The following MCMDC2 variants were observed in gnomAD, a reference collection of about 807,000 sequenced individuals.
MCMDC2 encodes the protein minichromosome maintenance domain-containing protein 2.
MCMDC2 carries 54 observed loss-of-function variants against 75.8 expected under a neutral mutation model. The ratio of observed to expected loss-of-function variants is 0.71; its 90% confidence interval spans 0.57 to 0.89. MCMDC2 has a LOEUF of 0.89. Ranked by LOEUF, MCMDC2 falls within the 40% of genes least tolerant of loss-of-function variation. The pLI, the probability that MCMDC2 is intolerant of heterozygous loss-of-function variation, is 0.00. For missense variants in MCMDC2, 656 were observed against 780.4 expected (o/e 0.84, Z 1.90); for synonymous variants, 249 against 274.6 (o/e 0.91, Z 0.92).
At chr8:66,880,702 C>T in intron 7 of MCMDC2, 147 bp from the exon 8 acceptor site, 8 of 741,698 alleles carry the variant, frequency 1.1e-5, no homozygotes, top group Non-Finnish European at 1.5e-5. Flanking sequence ...ATTAGTGTCA[C>T]TCTATATGGA....
rs557936584 is a variant in MCMDC2, at chr8:66,919,229, T to C, written c.*60T>C. ...GCAGTGGAGAAAAAGTGTGACTATT[T>C]TGAGAGTGACTTTGAAGTAATGCTT... On this transcript the variant is annotated 3_prime_UTR_variant, in exon 15 of 15. Transcript: ENST00000422365. 9.2e-5 allele frequency: 124 copies of C among 1,342,276 alleles called. No homozygotes were observed. Among genetic ancestry groups the C allele is most frequent in the Middle Eastern group, 3.7e-4 (2 of 5,448 alleles). The allele number at this position is 1,342,276 out of a possible 1,614,324, so 83.1% of individuals were successfully genotyped here.
chr8:66,892,926 G>A (rs2130827577), intron 10 of MCMDC2, among the ~76,000 whole-genome samples: 1 of 152,292 alleles, frequency 6.6e-6, no homozygotes, highest in Admixed American at 6.5e-5. Flanking sequence ...ACTTGGTCAT[G>A]GTGTATAATT....
chr8:66,880,795 T>C, intron 7 of MCMDC2, 54 bp from the exon 8 acceptor site: 7 of 1,421,000 alleles, frequency 4.9e-6, no homozygotes, highest in African/African-American at 1.5e-5. Context: ...CATATGTTCA[T>C]GTACAAAGTT....
intron 9 of MCMDC2, 94 bp from the exon 10 acceptor site, chr8:66,890,771 G>T: frequency 9.8e-7 from 1 of 1,015,808 alleles, no homozygotes. Context: ...GTGTATCACA[G>T]GTGCTCAGTA....
rs1042630247 is a variant in MCMDC2 at position 66,901,295 on chromosome 8, C to T, written c.1716C>T (p.Ile572=). 1.2e-6 allele frequency: 2 copies of T among 1,613,850 alleles called. No homozygotes were observed. Among genetic ancestry groups the T allele is most frequent in the Admixed American group, 1.7e-5 (1 of 59,996 alleles). Residue 572 remains isoleucine, a synonymous_variant, in exon 13 of 15, where the codon ATC becomes ATT. Transcript: ENST00000422365. Reference sequence around the variant, plus strand: ...GCTATTATCTAGCAAGTCGCAGAATCAGAACAGGCTCTGTATGTGGATCAA... The same window carrying T: ...GCTATTATCTAGCAAGTCGCAGAATTAGAACAGGCTCTGTATGTGGATCAA... ...THGYYLASRR[I]RTGSVCGSKL...
chr8:66,896,034 C>G (rs943742616), intron 10 of MCMDC2, 136 bp from the exon 11 acceptor site: 1 of 714,690 alleles, frequency 1.4e-6, no homozygotes, highest in Non-Finnish European at 2.2e-6. Flanking sequence ...CATTGTCTTG[C>G]AAAACAGTCA....
At chr8:66,898,461 C>T (rs1186185563) in intron 12 of MCMDC2, among the ~76,000 whole-genome samples, 1 of 151,634 alleles carries the variant, frequency 6.6e-6, no homozygotes, top group Non-Finnish European at 1.5e-5. Flanking sequence ...CCCGTCTCTA[C>T]TAAAAATACA....
At chr8:66,872,742 G>A (rs1346205177) in intron 1 of MCMDC2, among the ~76,000 whole-genome samples, 2 of 152,076 alleles carry the variant, frequency 1.3e-5, no homozygotes, top group Admixed American at 6.5e-5. Flanking sequence ...CAGATCACTT[G>A]AGGTCAGGAG....
intron 8 of MCMDC2, among the ~76,000 whole-genome samples, chr8:66,882,031 T>C (rs1472683631): frequency 6.6e-6 from 1 of 152,160 alleles, no homozygotes; most frequent in Admixed American, 6.5e-5. Context: ...CAGTTTGTCA[T>C]TATAGGGTGG....
chr8:66,915,056 A>G (rs1255928236), intron 14 of MCMDC2, among the ~76,000 whole-genome samples: 1 of 152,192 alleles, frequency 6.6e-6, no homozygotes, highest in Non-Finnish European at 1.5e-5. Context: ...TAGGCTGAGC[A>G]CAGTGGCTCA....
intron 9 of MCMDC2, among the ~76,000 whole-genome samples, chr8:66,887,384 C>CAA (rs1334744459): frequency 3.5e-5 from 3 of 84,720 alleles, no homozygotes; most frequent in Non-Finnish European, 5.8e-5. Flanking sequence ...ACTAAAAATA[C>CAA]AAAAAAAAAA....
intron 10 of MCMDC2, among the ~76,000 whole-genome samples, chr8:66,892,470 A>C (rs1812154333): frequency 6.6e-6 from 1 of 152,270 alleles, no homozygotes; most frequent in East Asian, 1.9e-4. Context: ...CAAGGTGGAG[A>C]AGAGTTTTAT....
chr8:66,873,362 G>C lies in MCMDC2; in HGVS notation c.-88-691G>C, dbSNP rs927219356. Among the ~76,000 whole-genome samples the C allele has an allele frequency of 5.3e-5, 8 of 152,280 alleles. No individual in the cohort carries two copies. The East Asian group carries it at 1.5e-3, about 29-fold the overall frequency. ...CAGGAAATGCTGGGTCTAGAACCAAGTTCTCAGGTTTCCCAGTTTAATACT... is the reference window on the plus strand; with the variant it reads ...CAGGAAATGCTGGGTCTAGAACCAACTTCTCAGGTTTCCCAGTTTAATACT... On this transcript the variant is annotated intron_variant, in intron 1 of 14. Transcript: ENST00000422365.
chr8:66,896,215 T>C lies in MCMDC2; in HGVS notation c.1325T>C (p.Phe442Ser), dbSNP rs762282773. The change falls in exon 11 of 15, where the codon TTT (phenylalanine) becomes TCT (serine). Residue 442 changes from phenylalanine (F) to serine (S), a missense_variant. By Grantham distance (155) the Phe-to-Ser change is radical (BLOSUM62 -2). Transcript: ENST00000422365. ...ACAGTGTACATCCCAGGAAAGAAGT[T>C]TGGGGAGGATATTGATCAACAGATG... is the stretch of plus-strand genomic sequence containing the variant. ...SITVYIPGKKFGEDIDQQMTF... is the reference protein window; with the variant it reads ...SITVYIPGKKSGEDIDQQMTF... The C allele has an allele frequency of 6.8e-6, 11 of 1,612,830 alleles. No homozygotes were observed. The highest frequency in any genetic ancestry group is 3.4e-5 in the Admixed American group (2 of 59,546).
At chr8:66,896,454 C>T (rs968551968) in intron 11 of MCMDC2, 118 bp downstream of exon 11, 28 of 913,558 alleles carry the variant, frequency 3.1e-5, no homozygotes, top group Non-Finnish European at 4.4e-5. Context: ...AGTACCAGAA[C>T]TACATGATGA....
chr8:66,904,413 A>T (rs1388219821), intron 13 of MCMDC2, among the ~76,000 whole-genome samples: 1 of 152,192 alleles, frequency 6.6e-6, no homozygotes, highest in Non-Finnish European at 1.5e-5. Context: ...TAGAAATTGC[A>T]GTGAAACTAA....
At chr8:66,892,116 C>T (rs933073976) in intron 10 of MCMDC2, among the ~76,000 whole-genome samples, 2 of 152,200 alleles carry the variant, frequency 1.3e-5, no homozygotes, top group Non-Finnish European at 2.9e-5. Flanking sequence ...GGCTCCTGGG[C>T]TGGCCCAGCC....
Position 66,919,608 on chromosome 8 carries a change from C to T in MCMDC2, c.*439C>T, listed in dbSNP as rs573955648. The stretch of plus-strand genomic sequence containing the variant: ...AAAACATTTTTCTTCCACTTGTGAA[C>T]TTGCTAAACTGATGAGTAAATACTT... On this transcript the variant is annotated 3_prime_UTR_variant, in exon 15 of 15. Transcript: ENST00000422365. The T allele has an allele frequency of 2.6e-5, 4 of 152,626 alleles. No homozygotes were observed. In the East Asian group the frequency reaches 7.7e-4, roughly 29 times the overall value. The allele number at this position is 152,626 out of a possible 1,614,324, so 9.5% of individuals were successfully genotyped here.
At chr8:66,897,804 A>G (rs987083752) in intron 12 of MCMDC2, among the ~76,000 whole-genome samples, 1 of 152,216 alleles carries the variant, frequency 6.6e-6, no homozygotes, top group African/African-American at 2.4e-5. Flanking sequence ...AATAATTCTC[A>G]TAGCTATTAA....
Sources: gnomAD v4.1 joint callset for allele counts (sites outside exome capture counted in the v4.1 genomes callset) on GRCh38, gnomAD v4.1.1 for gene constraint, MANE v1.5 for transcripts, NCBI Gene and HGNC (gene_info 2026-07-23, HGNC 2026-07-21) for gene names.